Variants in ADI1 observed in about 807,000 individuals in gnomAD.
ADI1 encodes the protein acireductone dioxygenase 1.
ADI1 carries 21 observed loss-of-function variants against 18.7 expected under a neutral mutation model. The observed-to-expected ratio is 1.13, with a 90% CI of 0.80 to 1.62. ADI1 has a LOEUF of 1.62. ADI1 is among the 40% of genes most tolerant of loss of function. ADI1 has a pLI of 0.00. For synonymous variants in ADI1, 90 were observed against 100.1 expected (o/e 0.90, Z 0.60); for missense variants, 245 against 254.9 (o/e 0.96, Z 0.26).
chr2:3,515,074 A>G, intron 1 of ADI1: 2 of 391,446 alleles, frequency 5.1e-6, no homozygotes, highest in East Asian at 4.9e-5. Flanking sequence ...ACAATATGAA[A>G]TCAGTACACC....
intron 2 of ADI1, among the ~76,000 whole-genome samples, chr2:3,507,828 A>AT (rs1020004609): frequency 3.9e-5 from 6 of 152,216 alleles, no homozygotes; most frequent in African/African-American, 1.4e-4. Flanking sequence ...GTATTAGGTG[A>AT]TTATAACATA....
intron 2 of ADI1, among the ~76,000 whole-genome samples, chr2:3,508,100 C>A (rs867489564): frequency 2.0e-5 from 3 of 151,666 alleles, no homozygotes; most frequent in Non-Finnish European, 4.4e-5. Context: ...TTTGGGAGGC[C>A]GAGGAGGGTG....
At chr2:3,503,666 A>G (rs1198649162) in intron 2 of ADI1, among the ~76,000 whole-genome samples, 1 of 152,210 alleles carries the variant, frequency 6.6e-6, no homozygotes, top group Non-Finnish European at 1.5e-5. Flanking sequence ...AGTGCCAGGA[A>G]GAGCAGCTGA....
At chr2:3,509,271 A>C (rs1040871905) in intron 2 of ADI1, among the ~76,000 whole-genome samples, 13 of 152,206 alleles carry the variant, frequency 8.5e-5, no homozygotes, top group African/African-American at 3.1e-4. Context: ...GACATCCAGC[A>C]AGCAGAAAAT....
At chr2:3,505,241 G>T (rs1252976658) in intron 2 of ADI1, among the ~76,000 whole-genome samples, 1 of 152,226 alleles carries the variant, frequency 6.6e-6, no homozygotes, top group Non-Finnish European at 1.5e-5. Context: ...TTTTAAATCT[G>T]TAAGAGAAGC....
At chr2:3,515,885 T>C (rs6422708) in intron 1 of ADI1, 213,237 of 981,496 alleles carry the variant, frequency 0.22, 23,809 homozygotes, top group East Asian at 0.29. Flanking sequence ...ATATTGGGGG[T>C]GGGTTCCCCC....
At chr2:3,517,378 C>T (rs921577153) in intron 1 of ADI1, 2 of 152,096 alleles carry the variant, frequency 1.3e-5, no homozygotes, top group Non-Finnish European at 2.9e-5. Context: ...CGGAGGTTGC[C>T]CTATTCACAA....
chr2:3,513,578 G>A (rs1667338019), intron 2 of ADI1, among the ~76,000 whole-genome samples: 1 of 152,140 alleles, frequency 6.6e-6, no homozygotes, highest in Admixed American at 6.5e-5. Flanking sequence ...CCTGTTATGT[G>A]AGAAGCCTGC....
At chr2:3,518,627 G>T (rs1324190387) in intron 1 of ADI1, among the ~76,000 whole-genome samples, 1 of 93,466 alleles carries the variant, frequency 1.1e-5, no homozygotes, top group East Asian at 3.0e-4. Context: ...CCCCACCACC[G>T]AGCGCTACCC....
At chr2:3,511,172 T>A (rs1447539853) in intron 2 of ADI1, among the ~76,000 whole-genome samples, 1 of 151,908 alleles carries the variant, frequency 6.6e-6, no homozygotes, top group East Asian at 1.9e-4. Context: ...GGGTGGCACT[T>A]CATTCTCTCT....
chr2:3,515,889 T>C (rs1266071836), intron 1 of ADI1: 1 of 984,710 alleles, frequency 1.0e-6, no homozygotes, highest in Non-Finnish European at 1.2e-6. Context: ...TGGGGGTGGG[T>C]TCCCCCGATA....
intron 1 of ADI1, chr2:3,516,107 G>T: frequency 4.2e-6 from 4 of 944,876 alleles, no homozygotes; most frequent in Non-Finnish European, 3.8e-6. Context: ...TAACACAAAT[G>T]TGATAGTATT....
Position 3,503,269 on chromosome 2 carries a change from TCA to T in ADI1, c.241-2278_241-2277del, listed in dbSNP as rs201065341. 1.5e-5 allele frequency among the ~76,000 whole-genome samples: 2 copies of T among 133,860 alleles called. 1 individual carries two copies. Among genetic ancestry groups the T allele is most frequent in the Non-Finnish European group, 3.2e-5 (2 of 63,070 alleles). The allele number at this position is 133,860 out of a possible 152,430, so 87.8% of individuals were successfully genotyped here. On this transcript the variant is annotated intron_variant, in intron 2 of 3. Transcript: ENST00000327435. ...TCACACACATGCACACACGTAACAC[TCA>T]CTCATGTGCATTCACACACATGCAC... is the stretch of plus-strand genomic sequence containing the variant.
rs886668268 is a variant in ADI1 at position 3,500,805 on chromosome 2, C to T, written c.420+9G>A. On this transcript the variant is annotated intron_variant, in intron 3 of 3. Transcript: ENST00000327435. ...GGCCGGGCCTGGGGAGAAAGCACAG[C>T]ACTCCCACCTTCTCGTCCACCGTGA... 1 of 1,613,354 alleles carries T rather than the reference C, an allele frequency of 6.2e-7. No individual in the cohort carries two copies. Among genetic ancestry groups the T allele is most frequent in the African/African-American group, 1.3e-5 (1 of 74,944 alleles).
At chr2:3,501,902 TGA>T (rs1301288892) in intron 2 of ADI1, among the ~76,000 whole-genome samples, 1 of 152,092 alleles carries the variant, frequency 6.6e-6, no homozygotes, top group African/African-American at 2.4e-5. Context: ...GCAAAAACAT[TGA>T]GAGTATTTTA....
intron 1 of ADI1, chr2:3,516,805 A>G: frequency 1.0e-6 from 1 of 985,478 alleles, no homozygotes; most frequent in Non-Finnish European, 1.2e-6. Flanking sequence ...CACTAATAAC[A>G]GATTGATTAA....
At chr2:3,501,053 CA>C in intron 2 of ADI1, 60 bp from the exon 3 acceptor site, 1 of 1,457,380 alleles carries the variant, frequency 6.9e-7, no homozygotes, top group African/African-American at 1.4e-5. Context: ...AGCTCACACC[CA>C]CCCACTCAGC....
At chr2:3,514,907 C>T (rs1297466086) in intron 1 of ADI1, 1 of 1,533,012 alleles carries the variant, frequency 6.5e-7, no homozygotes, top group Non-Finnish European at 8.8e-7. Flanking sequence ...ATTTCACGGA[C>T]ATCTATCAGT....
In ADI1 at chr2:3,519,362, G is replaced by C. The variant is rs1231906872; in HGVS notation, c.120+6C>G. On this transcript the variant is annotated splice_donor_region_variant and intron_variant, in intron 1 of 3. Transcript: ENST00000327435. ...CGCACGCTCTGCGAGGCTTGGGCTC[G>C]CGTACCTTCCAGTAGAGCACCCCGA... 1 of 1,428,814 alleles carries C rather than the reference G, an allele frequency of 7.0e-7. No homozygotes were observed. The highest frequency in any genetic ancestry group is 1.4e-5 in the South Asian group (1 of 70,026). The allele number at this position is 1,428,814 out of a possible 1,614,324, so 88.5% of individuals were successfully genotyped here.
Sources: gnomAD v4.1 joint callset for allele counts (sites outside exome capture counted in the v4.1 genomes callset) on GRCh38, gnomAD v4.1.1 for gene constraint, MANE v1.5 for transcripts, NCBI Gene and HGNC (gene_info 2026-07-23, HGNC 2026-07-21) for gene names.